Variants in CTSC observed in about 807,000 individuals in gnomAD.
CTSC encodes cathepsin C.
CTSC carries 37 observed loss-of-function variants against 40.9 expected under a neutral mutation model. The observed-to-expected ratio is 0.91, with a 90% CI of 0.70 to 1.19. The LOEUF is 1.19. CTSC is among the 50% of genes most tolerant of loss of function. CTSC has a pLI of 0.00. For synonymous variants in CTSC, 232 were observed against 207.4 expected, an observed-to-expected ratio of 1.12 and a Z score of -1.02; for missense variants, 594 against 567.3, an observed-to-expected ratio of 1.05 and a Z score of -0.48.
intron 4 of CTSC, among the ~76,000 whole-genome samples, chr11:88,308,096 A>C (rs1404759924): frequency 6.6e-6 from 1 of 152,238 alleles, no homozygotes; most frequent in Non-Finnish European, 1.5e-5. Context: ...CTTTGCAAAA[A>C]TTATACCAGT....
At chr11:88,309,140 T>A in intron 4 of CTSC, 23 bp downstream of exon 4, 2 of 1,608,700 alleles carry the variant, frequency 1.2e-6, no homozygotes, top group African/African-American at 1.3e-5. Context: ...TTTTTATTAA[T>A]GATAAAATGT....
chr11:88,294,118 T>C lies in CTSC; in HGVS notation c.1280A>G (p.Asn427Ser). The change falls in exon 7 of 7, where the codon AAC becomes AGC. Residue 427 changes from asparagine to serine, a missense_variant. Asn to Ser is a conservative substitution (Grantham distance 46). Coordinates refer to ENST00000227266, the MANE Select transcript of CTSC (RefSeq NM_001814.6). ...CTCACCCCAGCCGGTGCCCCAGCTGTTTTTAACAATCCAGTAATCCATCCC... is the reference window on the plus strand; with the variant it reads ...CTCACCCCAGCCGGTGCCCCAGCTGCTTTTAACAATCCAGTAATCCATCCC... The part of the protein sequence containing the change: ...ASGMDYWIVK[N>S]SWGTGWGENG... 6.2e-7 allele frequency: 1 copy of C among 1,613,898 alleles called. No individual in the cohort carries two copies. The highest frequency in any genetic ancestry group is 8.5e-7 in the Non-Finnish European group (1 of 1,179,980).
chr11:88,337,262 T>C (rs1426264810), intron 1 of CTSC, among the ~76,000 whole-genome samples: 1 of 152,200 alleles, frequency 6.6e-6, no homozygotes, highest in Non-Finnish European at 1.5e-5. Flanking sequence ...AAGTTCTTGA[T>C]CAAAGTGTTG....
intron 3 of CTSC, among the ~76,000 whole-genome samples, chr11:88,309,814 GCACA>G (rs71470765): frequency 0.077 from 9,144 of 118,906 alleles, 352 homozygotes; most frequent in African/African-American, 0.15. Context: ...ATGTATGCGC[GCACA>G]CACACACACA....
At chr11:88,326,362 A>T (rs1203758100) in intron 2 of CTSC, 1 of 1,613,854 alleles carries the variant, frequency 6.2e-7, no homozygotes, top group Non-Finnish European at 8.5e-7. Context: ...ACACTGTCGC[A>T]GGCTGCTCTG....
At chr11:88,337,265 A>C (rs1186986016) in intron 1 of CTSC, among the ~76,000 whole-genome samples, 2 of 152,232 alleles carry the variant, frequency 1.3e-5, no homozygotes, top group Non-Finnish European at 2.9e-5. Flanking sequence ...TTCTTGATCA[A>C]AGTGTTGAGT....
intron 2 of CTSC, chr11:88,321,513 A>T (rs1221491520): frequency 6.6e-6 from 1 of 152,042 alleles, no homozygotes; most frequent in African/African-American, 2.4e-5. Flanking sequence ...GCTCCCACTT[A>T]TAAGTGAGAA....
chr11:88,309,294 A>C lies in CTSC; in HGVS notation c.510T>G (p.Tyr170Ter). ...QEKYSNRLYK[Y>*]DHNFVKAINA... ...TGATAGCTTTCACAAAGTTGTGATC[A>C]TACTTGTAGAGCCTATTAGAATACC... Residue 170 changes from tyrosine to a stop codon, truncating the protein, a stop_gained, in exon 4 of 7, where the codon TAT becomes TAG. Transcript: ENST00000227266. LOFTEE classifies it high-confidence loss of function. The C allele has an allele frequency of 1.2e-6, 2 of 1,613,894 alleles. No homozygotes were observed. The highest frequency in any genetic ancestry group is 1.1e-5 in the South Asian group (1 of 91,076).
Position 88,293,894 on chromosome 11 carries a change from G to T in CTSC, c.*112C>A. The T allele has an allele frequency of 7.9e-7, 1 of 1,269,554 alleles. No homozygotes were observed. Among genetic ancestry groups the T allele is most frequent in the Non-Finnish European group, 1.1e-6 (1 of 881,784 alleles). 78.6% of individuals were successfully genotyped at this position (1,269,554 alleles called of 1,614,324 possible). On this transcript the variant is annotated 3_prime_UTR_variant, in exon 7 of 7. Transcript: ENST00000227266. ...TAATTCTGAAGACAAATATCTTCAT[G>T]GAAATCTATTTGTAAGCTTCTGAGA... is the stretch of plus-strand genomic sequence containing the variant.
chr11:88,327,441 T>G (rs1938223121), intron 2 of CTSC, among the ~76,000 whole-genome samples: 1 of 152,228 alleles, frequency 6.6e-6, no homozygotes. Context: ...AAGTCTCTAT[T>G]AATTTTACTC....
chr11:88,296,993 G>C (rs1944305915), intron 5 of CTSC: 1 of 153,582 alleles, frequency 6.5e-6, no homozygotes, highest in African/African-American at 2.4e-5. Flanking sequence ...AGAAGGACCT[G>C]TGAATTCATC....
At chr11:88,316,529 T>G (rs1362101231) in intron 2 of CTSC, among the ~76,000 whole-genome samples, 1 of 146,826 alleles carries the variant, frequency 6.8e-6, no homozygotes, top group African/African-American at 2.6e-5. Flanking sequence ...AATTACAGAC[T>G]ATATCTCATG....
At chr11:88,324,429 T>C (rs1591238435) in intron 2 of CTSC, 1 of 980,414 alleles carries the variant, frequency 1.0e-6, no homozygotes, top group Non-Finnish European at 1.2e-6. Flanking sequence ...GGTAACCTGA[T>C]AATATTCTTT....
intron 5 of CTSC, chr11:88,299,196 A>G (rs893964419): frequency 6.6e-6 from 1 of 152,216 alleles, no homozygotes. Context: ...CAGGACCTCA[A>G]TGATAAAGTC....
chr11:88,300,777 T>G lies in CTSC; in HGVS notation c.642-132A>C. 1.0e-5 allele frequency: 7 copies of G among 679,022 alleles called. No homozygotes were observed. In the South Asian group the frequency reaches 1.1e-4, roughly 11 times the overall value. 42.1% of individuals were successfully genotyped at this position (679,022 alleles called of 1,614,324 possible). On this transcript the variant is annotated intron_variant, in intron 4 of 6. Transcript: ENST00000227266. ...TCTAGATTCAGACCCAGAGCACCTGTTTTATGAGTGATTCAATGTGTCAAT... is the reference window on the plus strand; with the variant it reads ...TCTAGATTCAGACCCAGAGCACCTGGTTTATGAGTGATTCAATGTGTCAAT...
At chr11:88,335,411 A>C (rs968397221) in intron 1 of CTSC, among the ~76,000 whole-genome samples, 2 of 152,106 alleles carry the variant, frequency 1.3e-5, no homozygotes, top group African/African-American at 4.8e-5. Flanking sequence ...CTCTACAAAA[A>C]TAATTTTTAA....
intron 2 of CTSC, chr11:88,325,806 C>G (rs548794880): frequency 3.8e-5 from 37 of 985,782 alleles, no homozygotes; most frequent in South Asian, 3.3e-4. Flanking sequence ...TCTGAGAAAG[C>G]CTCTTTTTTC....
At chr11:88,314,974 G>C (rs779361135) in intron 2 of CTSC, among the ~76,000 whole-genome samples, 10 of 152,112 alleles carry the variant, frequency 6.6e-5, no homozygotes, top group Non-Finnish European at 1.3e-4. Flanking sequence ...GGACATTGTT[G>C]GGCAGCAATA....
In CTSC at chr11:88,324,322, G is replaced by A. The variant is rs563439170; in HGVS notation, c.318+10615C>T. ...ACACCCTAGAAGAAAATCTAGGAAT[G>A]CCATTGAATATATTTTTTACATATC... On this transcript the variant is annotated intron_variant, in intron 2 of 6. Coordinates refer to ENST00000227266, the MANE Select transcript of CTSC (RefSeq NM_001814.6). The A allele has an allele frequency of 9.3e-5, 87 of 933,326 alleles. No homozygotes were observed. The African/African-American group carries it at 1.4e-3, about 15-fold the overall frequency. The allele number at this position is 933,326 out of a possible 1,614,324, so 57.8% of individuals were successfully genotyped here.
Sources: allele counts gnomAD v4.1 joint callset (sites outside exome capture counted in the v4.1 genomes callset), GRCh38; gene constraint gnomAD v4.1.1; transcripts MANE v1.5; gene names NCBI Gene and HGNC (gene_info 2026-07-23, HGNC 2026-07-21).